Variants in CEP83 observed in about 807,000 individuals in gnomAD.
CEP83 encodes centrosomal protein 83.
CEP83 carries 70 observed loss-of-function variants against 101.9 expected under a neutral mutation model. That is an observed-to-expected ratio of 0.69 (90% CI 0.57 to 0.84). The LOEUF is 0.84. CEP83 is among the 40% of genes least tolerant of loss of function. The probability of loss-of-function intolerance (pLI) is 0.00; values close to 1 mark genes in which losing one functional copy is unlikely to be tolerated. For synonymous variants in CEP83, 264 were observed against 267.9 expected (o/e 0.99, Z 0.14); for missense variants, 715 against 787.2 (o/e 0.91, Z 1.10).
At chr12:94,323,122 T>TC (rs2058818275) in intron 14 of CEP83, among the ~76,000 whole-genome samples, 2 of 152,178 alleles carry the variant, frequency 1.3e-5, no homozygotes. Context: ...GTGGGTCTTA[T>TC]CCTGCAAGGT....
At chr12:94,328,906 G>C (rs2059088509) in intron 14 of CEP83, among the ~76,000 whole-genome samples, 1 of 152,130 alleles carries the variant, frequency 6.6e-6, no homozygotes, top group Non-Finnish European at 1.5e-5. Context: ...TTGCTAACTT[G>C]TAAAAGCTAT....
chr12:94,447,692 T>C (rs2066911512), intron 1 of CEP83, among the ~76,000 whole-genome samples: 1 of 151,960 alleles, frequency 6.6e-6, no homozygotes, highest in Non-Finnish European at 1.5e-5. Flanking sequence ...GTAATATATA[T>C]AATAATAATA....
Position 94,411,923 on chromosome 12 carries a change from C to T in CEP83, c.174-76G>A, listed in dbSNP as rs115746611. 5.3e-4 allele frequency: 622 copies of T among 1,163,654 alleles called. 2 individuals are homozygous for T. In the African/African-American group the frequency reaches 8.8e-3, roughly 16 times the overall value. The allele number at this position is 1,163,654 out of a possible 1,614,324, so 72.1% of individuals were successfully genotyped here. A position where few individuals can be genotyped will look rare whatever the true frequency, so the allele number is the denominator to read the frequency against. On this transcript the variant is annotated intron_variant, in intron 3 of 16. Transcript: ENST00000397809. ...TTGCATTACTTTATGTAAAGTCAAT[C>T]AACACCACAGAAAAACAAGACCAAT... is the stretch of plus-strand genomic sequence containing the variant.
At position 94,308,694 on chromosome 12, in the gene CEP83, G is replaced by A; in HGVS notation, c.*119C>T. ...CAGCATGTAGTAGGTACCTTTTCTT[G>A]AGGCACATTCAAGTGTTTTGGCAAA... On this transcript the variant is annotated 3_prime_UTR_variant, in exon 17 of 17. Coordinates refer to ENST00000397809, the MANE Select transcript of CEP83 (RefSeq NM_016122.3). The A allele has an allele frequency of 1.5e-6, 1 of 657,912 alleles. No individual in the cohort carries two copies. Among genetic ancestry groups the A allele is most frequent in the Non-Finnish European group, 2.7e-6 (1 of 365,574 alleles). The allele number at this position is 657,912 out of a possible 1,614,324, so 40.8% of individuals were successfully genotyped here.
chr12:94,390,631 C>T (rs968785574), intron 6 of CEP83, among the ~76,000 whole-genome samples: 1 of 152,190 alleles, frequency 6.6e-6, no homozygotes, highest in Admixed American at 6.5e-5. Context: ...ATGACTCTGA[C>T]AAGTTGACAG....
At chr12:94,343,530 C>T (rs2059795426) in intron 11 of CEP83, among the ~76,000 whole-genome samples, 6 of 136,302 alleles carry the variant, frequency 4.4e-5, no homozygotes, top group Admixed American at 3.9e-4. Context: ...TCGCCCAGGC[C>T]GGACTGCGGA....
At chr12:94,376,146 G>A (rs1484761009) in intron 7 of CEP83, 129 bp from the exon 8 acceptor site, 15 of 515,804 alleles carry the variant, frequency 2.9e-5, no homozygotes, top group Non-Finnish European at 3.9e-5. Flanking sequence ...ATATACCAAT[G>A]TAACAAAAAT....
At chr12:94,373,163 A>G (rs369156234) in intron 8 of CEP83, among the ~76,000 whole-genome samples, 1 of 152,182 alleles carries the variant, frequency 6.6e-6, no homozygotes, top group African/African-American at 2.4e-5. Context: ...AAAATGTTGC[A>G]TAAAATTTCA....
chr12:94,355,013 C>CAA lies in CEP83; in HGVS notation c.1343+12779_1343+12780dup, dbSNP rs78675224. Among the ~76,000 whole-genome samples the CAA allele has an allele frequency of 4.4e-4, 65 of 148,650 alleles. No individual in the cohort carries two copies. In the South Asian group the frequency reaches 9.0e-3, roughly 21 times the overall value. ...GAGACTCCGTCTCAAAAACACAAAA[C>CAA]AAAAAAAAACAGAAAAATTTCTTAA... On this transcript the variant is annotated intron_variant, in intron 11 of 16. Coordinates refer to ENST00000397809, the MANE Select transcript of CEP83 (RefSeq NM_016122.3).
chr12:94,305,078 C>G (rs1257776774), downstream of CEP83: 2 of 674,412 alleles, frequency 3.0e-6, no homozygotes, highest in Admixed American at 5.4e-5. Context: ...ATGTTGGCAT[C>G]TGTTTCATAC....
downstream of CEP83, chr12:94,306,693 C>T (rs904146642): frequency 1.3e-5 from 2 of 152,166 alleles, no homozygotes; most frequent in Admixed American, 6.5e-5. Flanking sequence ...TTTACCAACA[C>T]TGTATGGAGC....
Position 94,379,015 on chromosome 12 carries a change from C to T in CEP83, c.577G>A (p.Glu193Lys), listed in dbSNP as rs751228699. 3 of 1,609,956 alleles carry T rather than the reference C, an allele frequency of 1.9e-6. No homozygotes were observed. Among genetic ancestry groups the T allele is most frequent in the Non-Finnish European group, 2.5e-6 (3 of 1,177,112 alleles). The change falls in exon 7 of 17, where the codon GAA becomes AAA. Residue 193 changes from glutamate to lysine, a missense_variant. Coordinates refer to ENST00000397809, the MANE Select transcript of CEP83 (RefSeq NM_016122.3). ...EIARLEEDKE[E>K]LRNQLLNVDL... ...ACATTAAGCAGCTGGTTACGTAGTT[C>T]TTCTTTATCTTCCTCCAGTCTTGCA...
chr12:94,379,089 T>A (rs1593545688), intron 6 of CEP83, 47 bp from the exon 7 acceptor site: 1 of 1,459,812 alleles, frequency 6.9e-7, no homozygotes, highest in Non-Finnish European at 9.3e-7. Flanking sequence ...TTATTAAATT[T>A]TCAGTCATGA....
chr12:94,426,133 AAAG>A (rs1790401616), intron 2 of CEP83, among the ~76,000 whole-genome samples: 1 of 152,056 alleles, frequency 6.6e-6, no homozygotes, highest in Non-Finnish European at 1.5e-5. Context: ...AAAAAAAAAA[AAAG>A]AAATGAAAAC....
At chr12:94,329,546 T>A (rs2059119933) in intron 14 of CEP83, among the ~76,000 whole-genome samples, 1 of 152,212 alleles carries the variant, frequency 6.6e-6, no homozygotes, top group Admixed American at 6.5e-5. Flanking sequence ...CCACTGGGTG[T>A]CACTTTTGCT....
chr12:94,388,679 T>C (rs1346108463), intron 6 of CEP83, among the ~76,000 whole-genome samples: 1 of 152,226 alleles, frequency 6.6e-6, no homozygotes, highest in Non-Finnish European at 1.5e-5. Context: ...TTGGAAACTT[T>C]TTTTTACACT....
chr12:94,300,760 C>T, the CEP83 span: 12 of 526,626 alleles, frequency 2.3e-5, no homozygotes, highest in Admixed American at 1.3e-4. Flanking sequence ...CTCCAAGTGA[C>T]GCTTCTGTCT....
chr12:94,300,127 T>C, the CEP83 span, among the ~76,000 whole-genome samples: 15,144 of 152,212 alleles, frequency 0.099, 893 homozygotes, highest in Admixed American at 0.15. Context: ...GCTGGAGATA[T>C]AGTAACAAAA....
At chr12:94,343,813 G>A (rs991552618) in intron 11 of CEP83, among the ~76,000 whole-genome samples, 4 of 152,106 alleles carry the variant, frequency 2.6e-5, no homozygotes, top group Non-Finnish European at 5.9e-5. Context: ...TTTTAAAAAG[G>A]TTCTCCTACC....
Sources: allele counts gnomAD v4.1 joint callset (sites outside exome capture counted in the v4.1 genomes callset), GRCh38; gene constraint gnomAD v4.1.1; transcripts MANE v1.5; gene names NCBI Gene and HGNC (gene_info 2026-07-23, HGNC 2026-07-21).